KCNIP1: variants seen among roughly 807,000 people sequenced by gnomAD.
KCNIP1 encodes the protein A-type potassium channel modulatory protein KCNIP1.
Under a neutral mutation model 33.0 loss-of-function variants are expected in KCNIP1, and 18 were observed. The observed-to-expected ratio is 0.55, with a 90% CI of 0.38 to 0.81. The LOEUF (loss-of-function observed/expected upper bound fraction) is 0.81. Among genes scored for constraint, KCNIP1 ranks in the 30% least tolerant of loss-of-function variants. The pLI is 0.00. For missense variants in KCNIP1, 238 were observed against 271.6 expected (o/e 0.88, Z 0.87); for synonymous variants, 93 against 98.3 (o/e 0.95, Z 0.32).
Position 170,536,240 on chromosome 5 carries a change from C to T in KCNIP1, c.61+31607C>T, listed in dbSNP as rs145790050. Among the ~76,000 whole-genome samples, 102 of 152,348 alleles carry T rather than the reference C, an allele frequency of 6.7e-4. 2 individuals carry two copies. In the East Asian group the frequency reaches 0.019, roughly 28 times the overall value. On this transcript the variant is annotated intron_variant, in intron 1 of 7. Transcript: ENST00000328939. ...GGGCTCCTGGGCCTTAAACTAGGCG[C>T]TCCTTGCATTAGCCTGTGGCAGGAG...
intron 1 of KCNIP1, among the ~76,000 whole-genome samples, chr5:170,471,574 G>A (rs1756728770): frequency 1.3e-5 from 2 of 152,156 alleles, no homozygotes; most frequent in African/African-American, 2.4e-5. Context: ...TTTAAAGTCC[G>A]CCGTGACTGA....
At chr5:170,550,412 T>C (rs1257966501) in intron 1 of KCNIP1, among the ~76,000 whole-genome samples, 1 of 152,224 alleles carries the variant, frequency 6.6e-6, no homozygotes, top group Non-Finnish European at 1.5e-5. Context: ...CAGTGAATGT[T>C]AACAGGAATG....
intron 1 of KCNIP1, among the ~76,000 whole-genome samples, chr5:170,628,693 C>A (rs1354309031): frequency 6.6e-6 from 1 of 152,214 alleles, no homozygotes; most frequent in Non-Finnish European, 1.5e-5. Flanking sequence ...GATCTCACTG[C>A]AGGCCTGGTT....
At chr5:170,581,744 A>C (rs1046632079) in intron 1 of KCNIP1, among the ~76,000 whole-genome samples, 1 of 152,232 alleles carries the variant, frequency 6.6e-6, no homozygotes, top group African/African-American at 2.4e-5. Flanking sequence ...CCCACTGTCT[A>C]TGTCTGTTTG....
intron 1 of KCNIP1, among the ~76,000 whole-genome samples, chr5:170,709,999 C>G (rs1763389929): frequency 6.6e-6 from 1 of 152,180 alleles, no homozygotes; most frequent in African/African-American, 2.4e-5. Context: ...TCCCAAGCAG[C>G]TGGGACTACA....
chr5:170,710,374 C>A (rs1207369982), intron 1 of KCNIP1, among the ~76,000 whole-genome samples: 1 of 152,102 alleles, frequency 6.6e-6, no homozygotes, highest in African/African-American at 2.4e-5. Flanking sequence ...AATTATCTAG[C>A]TTTTTGTATA....
intron 1 of KCNIP1, among the ~76,000 whole-genome samples, chr5:170,706,236 C>T (rs1581525216): frequency 6.6e-6 from 1 of 152,310 alleles, no homozygotes; most frequent in Middle Eastern, 3.4e-3. Context: ...ATTACAGGGC[C>T]TAAGCCTACC....
At chr5:170,388,019 C>CG (rs1402601032) in intron 1 of KCNIP1, among the ~76,000 whole-genome samples, 2 of 139,236 alleles carry the variant, frequency 1.4e-5, no homozygotes, top group Admixed American at 7.5e-5. Context: ...GGCTAATCAG[C>CG]CCCCCCCAGC....
chr5:170,424,043 T>C (rs968403976), intron 1 of KCNIP1, among the ~76,000 whole-genome samples: 1 of 152,260 alleles, frequency 6.6e-6, no homozygotes, highest in Non-Finnish European at 1.5e-5. Flanking sequence ...TAACAGCTGC[T>C]TATGTAACCA....
chr5:170,585,640 G>A (rs6874152), intron 1 of KCNIP1, among the ~76,000 whole-genome samples: 3,172 of 152,118 alleles, frequency 0.021, 46 homozygotes, highest in Non-Finnish European at 0.031. Flanking sequence ...TGTTGTTACC[G>A]GACCAATCAG....
At chr5:170,382,913 A>G (rs1288964501) in intron 1 of KCNIP1, 4 of 152,958 alleles carry the variant, frequency 2.6e-5, no homozygotes. Context: ...CTGTTGAATA[A>G]ATAAATGAGA....
chr5:170,450,377 A>C (rs548665355), intron 1 of KCNIP1, among the ~76,000 whole-genome samples: 1 of 152,272 alleles, frequency 6.6e-6, no homozygotes, highest in Non-Finnish European at 1.5e-5. Context: ...TGGACCCCGC[A>C]TCTACTCACA....
At chr5:170,392,941 A>G (rs1329936807) in intron 1 of KCNIP1, among the ~76,000 whole-genome samples, 1 of 152,238 alleles carries the variant, frequency 6.6e-6, no homozygotes, top group Non-Finnish European at 1.5e-5. Flanking sequence ...AGCACCTACT[A>G]TGTACCAGGG....
At chr5:170,477,301 A>G (rs1367455981) in intron 1 of KCNIP1, among the ~76,000 whole-genome samples, 1 of 151,304 alleles carries the variant, frequency 6.6e-6, no homozygotes, top group Middle Eastern at 3.5e-3. Context: ...GTGTGTGTAT[A>G]TATATATACA....
intron 1 of KCNIP1, among the ~76,000 whole-genome samples, chr5:170,372,662 G>A (rs2113310684): frequency 6.6e-6 from 1 of 152,212 alleles, no homozygotes; most frequent in African/African-American, 2.4e-5. Context: ...GAGAGTTCAA[G>A]CACCAAATAT....
At chr5:170,399,353 T>C (rs1322399952) in intron 1 of KCNIP1, among the ~76,000 whole-genome samples, 3 of 152,232 alleles carry the variant, frequency 2.0e-5, no homozygotes, top group Non-Finnish European at 4.4e-5. Flanking sequence ...GCTTTGTGAA[T>C]GCCTGCCTGC....
chr5:170,565,629 A>G lies in KCNIP1; in HGVS notation c.61+60996A>G, dbSNP rs115675793. Among the ~76,000 whole-genome samples, 1,236 of 152,216 alleles carry G rather than the reference A, an allele frequency of 8.1e-3. 18 individuals carry two copies. Among genetic ancestry groups the G allele is most frequent in the African/African-American group, 0.029 (1,187 of 41,530 alleles). ...TTAGACACTTTATACACATTATCTC[A>G]TTCAAGTCCATTAATTTTATATAAG... On this transcript the variant is annotated intron_variant, in intron 1 of 7. Transcript: ENST00000328939.
intron 1 of KCNIP1, among the ~76,000 whole-genome samples, chr5:170,455,691 C>T (rs1191549853): frequency 6.6e-6 from 1 of 152,102 alleles, no homozygotes; most frequent in African/African-American, 2.4e-5. Flanking sequence ...CCATAAGTAA[C>T]CAATTGGTTG....
At chr5:170,612,156 G>A (rs149546609) in intron 1 of KCNIP1, among the ~76,000 whole-genome samples, 1 of 152,322 alleles carries the variant, frequency 6.6e-6, no homozygotes, top group African/African-American at 2.4e-5. Flanking sequence ...AAACCAGACA[G>A]ACAGACACCC....
Sources: gnomAD v4.1 joint callset for allele counts (sites outside exome capture counted in the v4.1 genomes callset) on GRCh38, gnomAD v4.1.1 for gene constraint, MANE v1.5 for transcripts, NCBI Gene and HGNC (gene_info 2026-07-23, HGNC 2026-07-21) for gene names.